The following ITPR2 variants were observed in gnomAD, a reference collection of about 807,000 sequenced individuals.
ITPR2 encodes inositol 1,4,5-trisphosphate-gated calcium channel ITPR2.
Under a neutral mutation model 317.1 loss-of-function variants are expected in ITPR2, and 207 were observed. The ratio of observed to expected loss-of-function variants is 0.65; its 90% CI spans 0.58 to 0.73. The LOEUF (loss-of-function observed/expected upper bound fraction) is 0.73, where lower values mean the gene tolerates loss of function less well. ITPR2 is among the 30% of genes least tolerant of loss of function. The pLI, the probability that ITPR2 is intolerant of heterozygous loss-of-function variation, is 0.00. For synonymous variants in ITPR2, 1,156 were observed against 1,149.1 expected, an observed-to-expected ratio of 1.01 and a Z score of -0.12; for missense variants, 2,613 against 3,284.0, an observed-to-expected ratio of 0.80 and a Z score of 4.99.
chr12:26,350,658 C>A (rs1938450923), intron 55 of ITPR2, among the ~76,000 whole-genome samples: 3 of 152,016 alleles, frequency 2.0e-5, no homozygotes, highest in Admixed American at 2.0e-4. Context: ...TGGTGGGTCT[C>A]ACCCCCCAGA....
Position 26,387,484 on chromosome 12 carries a change from C to T in ITPR2, c.7807G>A (p.Asp2603Asn), listed in dbSNP as rs1939699315. The change falls in exon 55 of 57, where the codon GAC becomes AAC. Residue 2603 changes from aspartate (D) to asparagine (N), a missense_variant. Physicochemically the swap from Asp to Asn is conservative, Grantham distance 23. Around this residue, in one of 9 missense-constraint regions of ITPR2, gnomAD observed 119 missense variants for 144.3 expected, o/e 0.82. Transcript: ENST00000381340. ...TCAGGTCCAGTGTATTCTGTTGGGT[C>T]TTTAACTTTCACCAGGACTATGAAG... ...LYFIVLVKVKDPTEYTGPESY... is the reference protein window; with the variant it reads ...LYFIVLVKVKNPTEYTGPESY... 6.2e-7 allele frequency: 1 copy of T among 1,613,858 alleles called. No individual in the cohort carries two copies. Among genetic ancestry groups the T allele is most frequent in the East Asian group, 2.2e-5 (1 of 44,840 alleles).
chr12:26,725,131 A>T (rs1828294323), intron 3 of ITPR2, among the ~76,000 whole-genome samples: 1 of 152,180 alleles, frequency 6.6e-6, no homozygotes, highest in Non-Finnish European at 1.5e-5. Flanking sequence ...TTTTAAAATT[A>T]CTTTAAGAAG....
At chr12:26,604,862 A>G (rs777432908) in intron 26 of ITPR2, among the ~76,000 whole-genome samples, 4 of 152,068 alleles carry the variant, frequency 2.6e-5, no homozygotes, top group Non-Finnish European at 5.9e-5. Context: ...TTGGGAGGCC[A>G]AGGCAGGTGG....
At chr12:26,720,938 A>G (rs1410786121) in intron 5 of ITPR2, among the ~76,000 whole-genome samples, 2 of 152,194 alleles carry the variant, frequency 1.3e-5, no homozygotes, top group East Asian at 1.9e-4. Flanking sequence ...TTATTTCATC[A>G]CATTCCTTCC....
chr12:26,370,978 C>T (rs1408172033), intron 55 of ITPR2, among the ~76,000 whole-genome samples: 3 of 152,158 alleles, frequency 2.0e-5, no homozygotes. Flanking sequence ...CGGCCAAACA[C>T]GAGTCTTATG....
At chr12:26,790,989 G>C (rs1950331009) in intron 1 of ITPR2, among the ~76,000 whole-genome samples, 2 of 152,154 alleles carry the variant, frequency 1.3e-5, no homozygotes, top group Non-Finnish European at 2.9e-5. Context: ...ATAAAATCAA[G>C]AATCTTGTGT....
intron 34 of ITPR2, among the ~76,000 whole-genome samples, chr12:26,571,856 A>G (rs1945169217): frequency 6.6e-6 from 1 of 152,190 alleles, no homozygotes. Flanking sequence ...GATTTTTACT[A>G]CCTTTTGTAT....
intron 32 of ITPR2, among the ~76,000 whole-genome samples, chr12:26,593,249 G>A (rs1280559280): frequency 6.6e-6 from 1 of 152,184 alleles, no homozygotes; most frequent in Admixed American, 6.5e-5. Context: ...TTCATTTATG[G>A]AAATTAGAAA....
At position 26,443,518 on chromosome 12, in the gene ITPR2, C is replaced by T. The variant is rs1405411767; in HGVS notation, c.6450+25G>A. ...AAGCATAACTTTTCACAGTTGGTCT[C>T]TTTCAATAAATAATAGATGGTTACC... On this transcript the variant is annotated intron_variant, in intron 46 of 56. Transcript: ENST00000381340. 3 of 1,556,898 alleles carry T rather than the reference C, an allele frequency of 1.9e-6. No individual in the cohort carries two copies. The South Asian group carries it at 3.4e-5, about 18-fold the overall frequency.
At chr12:26,404,777 G>A (rs1565508298) in intron 52 of ITPR2, among the ~76,000 whole-genome samples, 1 of 152,170 alleles carries the variant, frequency 6.6e-6, no homozygotes, top group Non-Finnish European at 1.5e-5. Flanking sequence ...GATTTCAGAT[G>A]TAAGAACAAT....
In ITPR2 at chr12:26,336,841, A is replaced by G. The variant is rs553585254; in HGVS notation, c.*2556T>C. ...GATACTCACCTAAGTCAAATATTCC[A>G]GTTGCATTAACAAACATACACATAA... On this transcript the variant is annotated 3_prime_UTR_variant, in exon 57 of 57. Coordinates refer to ENST00000381340, the MANE Select transcript of ITPR2 (RefSeq NM_002223.4). The G allele has an allele frequency of 3.3e-5, 5 of 152,180 alleles. No individual in the cohort carries two copies. Among genetic ancestry groups the G allele is most frequent in the Admixed American group, 6.5e-5 (1 of 15,280 alleles). 9.4% of individuals were successfully genotyped at this position (152,180 alleles called of 1,614,324 possible).
intron 38 of ITPR2, among the ~76,000 whole-genome samples, chr12:26,494,876 T>TA (rs1296482886): frequency 6.6e-6 from 1 of 152,116 alleles, no homozygotes; most frequent in Non-Finnish European, 1.5e-5. Flanking sequence ...ATGTTTTTCT[T>TA]AAAAACAGAA....
At chr12:26,784,614 G>T (rs1592127931) in intron 2 of ITPR2, among the ~76,000 whole-genome samples, 1 of 151,734 alleles carries the variant, frequency 6.6e-6, no homozygotes, top group African/African-American at 2.4e-5. Context: ...GAGGTGCCGG[G>T]ATTGCAGACG....
chr12:26,659,026 A>G, intron 16 of ITPR2, 87 bp downstream of exon 16: 3 of 1,051,790 alleles, frequency 2.9e-6, no homozygotes, highest in Non-Finnish European at 4.2e-6. Flanking sequence ...AGTGATGTGA[A>G]AGAACTCTAA....
intron 37 of ITPR2, among the ~76,000 whole-genome samples, chr12:26,522,861 A>T (rs1943700117): frequency 6.6e-6 from 1 of 152,256 alleles, no homozygotes; most frequent in East Asian, 1.9e-4. Context: ...ACCCCACAAC[A>T]ACACCGGTTT....
intron 45 of ITPR2, among the ~76,000 whole-genome samples, chr12:26,462,673 CTT>C (rs1555134095): frequency 2.1e-4 from 13 of 62,720 alleles, no homozygotes; most frequent in Admixed American, 5.4e-4. Flanking sequence ...AGCTTTCTTT[CTT>C]TTTTTTTTTT....
intron 45 of ITPR2, among the ~76,000 whole-genome samples, chr12:26,464,173 G>T (rs930244423): frequency 2.0e-5 from 3 of 152,178 alleles, no homozygotes; most frequent in Non-Finnish European, 2.9e-5. Flanking sequence ...ACTGGGGCGT[G>T]GGGGGGAATG....
rs568462903 is a variant in ITPR2 at position 26,528,222 on chromosome 12, A to G, written c.5073+22025T>C. On this transcript the variant is annotated intron_variant, in intron 37 of 56. Coordinates refer to ENST00000381340, the MANE Select transcript of ITPR2 (RefSeq NM_002223.4). ...TCTGATCTCAACCTGAAAGATTCCT[A>G]TGACTTTCAATGGTTCCAGCTCCTG... Among the ~76,000 whole-genome samples the G allele has an allele frequency of 2.6e-4, 39 of 152,302 alleles. No homozygotes were observed. In the South Asian group the frequency reaches 8.1e-3, roughly 32 times the overall value.
chr12:26,495,298 T>C, intron 37 of ITPR2, 38 bp from the exon 38 acceptor site: 1 of 1,167,006 alleles, frequency 8.6e-7, no homozygotes, highest in African/African-American at 1.5e-5. Context: ...TGTTCCCTTT[T>C]CTAATAAAAG....
Sources: allele counts gnomAD v4.1 joint callset (sites outside exome capture counted in the v4.1 genomes callset), GRCh38; gene constraint gnomAD v4.1.1; regional missense constraint gnomAD v4.1.1; transcripts MANE v1.5; gene names NCBI Gene and HGNC (gene_info 2026-07-23, HGNC 2026-07-21).